Variants in ADGRD1 observed in about 807,000 individuals in gnomAD.
ADGRD1 encodes the protein adhesion G protein-coupled receptor D1.
ADGRD1 carries 77 observed loss-of-function variants against 113.4 expected under a neutral mutation model. The ratio of observed to expected loss-of-function variants is 0.68; its 90% confidence interval spans 0.57 to 0.82. The LOEUF (loss-of-function observed/expected upper bound fraction) is 0.82. ADGRD1 is among the 40% of genes least tolerant of loss of function. ADGRD1 has a pLI of 0.00. For missense variants in ADGRD1, 1,036 were observed against 1,139.1 expected (o/e 0.91, Z 1.30); for synonymous variants, 474 against 475.0 (o/e 1.00, Z 0.03).
At position 130,987,166 on chromosome 12, in the gene ADGRD1, C is replaced by G; in HGVS notation, c.562C>G (p.Leu188Val). ...EGLKVYVNGT[L>V]STSDPSGKVS... ...CCTGAAAGTCTACGTCAACGGGACC[C>G]TGAGCACCTCTGATCCGAGTGGAAA... The change falls in exon 6 of 25, where the codon CTG (leucine) becomes GTG (valine). Residue 188 changes from leucine (L) to valine (V), a missense_variant. Transcript: ENST00000261654. 1 of 1,614,124 alleles carries G rather than the reference C, an allele frequency of 6.2e-7. No individual in the cohort carries two copies. The highest frequency in any genetic ancestry group is 8.5e-7 in the Non-Finnish European group (1 of 1,179,938).
rs1356001698 is a variant in ADGRD1 at position 130,984,832 on chromosome 12, CCTT to C, written c.491-2259_491-2257del. On this transcript the variant is annotated intron_variant, in intron 5 of 24. Coordinates refer to ENST00000261654, the MANE Select transcript of ADGRD1 (RefSeq NM_198827.5). This position sits in a 1 kb window ranked among gnomAD's most constrained non-coding sequence, Gnocchi z 4.1. ...CCCTTCCTCCCTCCCTTCCTTCCTT[CCTT>C]CTTGCCTTCCATCCTCCCTTGCTCC... 2.7e-5 allele frequency among the ~76,000 whole-genome samples: 4 copies of C among 148,102 alleles called. No individual in the cohort carries two copies. Among genetic ancestry groups the C allele is most frequent in the African/African-American group, 9.8e-5 (4 of 40,642 alleles).
intron 13 of ADGRD1, among the ~76,000 whole-genome samples, chr12:131,020,591 A>G (rs1593055264): frequency 1.3e-5 from 2 of 152,368 alleles, no homozygotes; most frequent in South Asian, 4.1e-4. Flanking sequence ...CCACCTGGAC[A>G]TGGGCCAGGT....
At chr12:131,119,275 A>G (rs908470522) in intron 19 of ADGRD1, among the ~76,000 whole-genome samples, 1 of 152,250 alleles carries the variant, frequency 6.6e-6, no homozygotes, top group Non-Finnish European at 1.5e-5. Context: ...GGAGAAATCC[A>G]GCCTTTTCCA....
At chr12:131,094,027 C>CCTG (rs1329296814) in intron 15 of ADGRD1, among the ~76,000 whole-genome samples, 1 of 148,196 alleles carries the variant, frequency 6.7e-6, no homozygotes, top group African/African-American at 2.5e-5. Context: ...CACCCAGCGT[C>CCTG]AGCACCCAGC....
intron 16 of ADGRD1, among the ~76,000 whole-genome samples, chr12:131,105,153 C>T (rs944007608): frequency 5.9e-5 from 9 of 152,262 alleles, no homozygotes; most frequent in African/African-American, 2.2e-4. Context: ...CACCTCAGCC[C>T]TGTGCTCAGA....
intron 13 of ADGRD1, among the ~76,000 whole-genome samples, chr12:131,017,263 C>T (rs1878672890): frequency 1.3e-5 from 2 of 151,130 alleles, no homozygotes; most frequent in Admixed American, 1.3e-4. Flanking sequence ...TCAGTCCACA[C>T]ACACCCAGTC....
intron 15 of ADGRD1, among the ~76,000 whole-genome samples, chr12:131,095,912 T>C (rs1887246324): frequency 6.6e-6 from 1 of 152,170 alleles, no homozygotes; most frequent in Non-Finnish European, 1.5e-5. Context: ...TTGAATTGTT[T>C]GTAAAGATGA....
rs938956341 is a variant in ADGRD1, at chr12:131,001,321, A to G, written c.1026+879A>G. Among the ~76,000 whole-genome samples the G allele has an allele frequency of 1.5e-4, 23 of 152,370 alleles. No individual in the cohort carries two copies. In the East Asian group the frequency reaches 4.4e-3, roughly 29 times the overall value. On this transcript the variant is annotated intron_variant, in intron 9 of 24. Coordinates refer to ENST00000261654, the MANE Select transcript of ADGRD1 (RefSeq NM_198827.5). ...TTGTACTTATTTAAAAAGAAAACAAATAAATAGTTGTGGAGAAGTTAGAAA... is the reference window on the plus strand; with the variant it reads ...TTGTACTTATTTAAAAAGAAAACAAGTAAATAGTTGTGGAGAAGTTAGAAA...
intron 4 of ADGRD1, among the ~76,000 whole-genome samples, chr12:130,972,372 A>G (rs966377664): frequency 2.0e-5 from 3 of 152,202 alleles, no homozygotes; most frequent in Non-Finnish European, 4.4e-5. Flanking sequence ...TTTGGACATC[A>G]GATGGCCTTC....
intron 4 of ADGRD1, among the ~76,000 whole-genome samples, chr12:130,979,815 TCTCACACACACACACA>T (rs1287035128): frequency 7.0e-4 from 98 of 139,838 alleles, no homozygotes; most frequent in African/African-American, 1.4e-3. Context: ...GCAGCTAGTG[TCTCACACACACACACA>T]CACACACACA....
At chr12:130,996,509 G>A (rs1427641817) in intron 8 of ADGRD1, among the ~76,000 whole-genome samples, 1 of 120,918 alleles carries the variant, frequency 8.3e-6, no homozygotes, top group African/African-American at 3.1e-5. Flanking sequence ...CCTCCTGGAC[G>A]GGGCGGCTGG....
rs1366983242 is a variant in ADGRD1, at chr12:131,140,004, T to C, written c.*741T>C. On this transcript the variant is annotated 3_prime_UTR_variant, in exon 25 of 25. Transcript: ENST00000261654. ...CGCTCTGGGCCTTGAGGCTGCCTGA[T>C]GGTGCCTGTGCTTGGGGGAGCTTCT... is the stretch of plus-strand genomic sequence containing the variant. The C allele has an allele frequency of 6.6e-6, 1 of 152,516 alleles. No homozygotes were observed. 9.4% of individuals were successfully genotyped at this position (152,516 alleles called of 1,614,324 possible).
chr12:130,983,631 G>A (rs1054761781), intron 5 of ADGRD1, among the ~76,000 whole-genome samples: 1 of 152,174 alleles, frequency 6.6e-6, no homozygotes, highest in South Asian at 2.1e-4. Flanking sequence ...GCTCTCTTTT[G>A]TGCATTGAAG....
intron 14 of ADGRD1, among the ~76,000 whole-genome samples, chr12:131,078,890 T>C (rs1020124512): frequency 6.6e-6 from 1 of 152,168 alleles, no homozygotes; most frequent in African/African-American, 2.4e-5. Context: ...TCCACACTTG[T>C]AGATGATTGT....
Position 131,084,788 on chromosome 12 carries a change from T to A in ADGRD1, c.1671+125T>A. The A allele has an allele frequency of 9.8e-7, 1 of 1,020,912 alleles. No homozygotes were observed. Among genetic ancestry groups the A allele is most frequent in the South Asian group, 1.5e-5 (1 of 68,194 alleles). The allele number at this position is 1,020,912 out of a possible 1,614,324, so 63.2% of individuals were successfully genotyped here. A position where few individuals can be genotyped will look rare whatever the true frequency, so the allele number is the denominator to read the frequency against. On this transcript the variant is annotated intron_variant, in intron 15 of 24. Coordinates refer to ENST00000261654, the MANE Select transcript of ADGRD1 (RefSeq NM_198827.5). The surrounding 1 kb of genome is among the most constrained non-coding windows in gnomAD (Gnocchi z 4.5). Reference sequence around the variant, plus strand: ...TGGGCACATTACTCCATGGGGCCTGTGTTTACAGACGGAATCCATTCTCTT... The same window carrying A: ...TGGGCACATTACTCCATGGGGCCTGAGTTTACAGACGGAATCCATTCTCTT...
At chr12:131,015,238 T>C (rs1878414626) in intron 13 of ADGRD1, among the ~76,000 whole-genome samples, 1 of 152,264 alleles carries the variant, frequency 6.6e-6, no homozygotes, top group Non-Finnish European at 1.5e-5. Context: ...CCCACACACT[T>C]GTGCTGCTGG....
At chr12:131,051,280 T>A (rs1328137265) in intron 13 of ADGRD1, among the ~76,000 whole-genome samples, 1 of 152,228 alleles carries the variant, frequency 6.6e-6, no homozygotes, top group Non-Finnish European at 1.5e-5. Flanking sequence ...TTGATTGACA[T>A]CAACAATAGC....
At chr12:131,068,313 T>C (rs945419896) in intron 13 of ADGRD1, among the ~76,000 whole-genome samples, 3 of 152,196 alleles carry the variant, frequency 2.0e-5, no homozygotes, top group African/African-American at 7.2e-5. Context: ...TGGTCAACTC[T>C]GGGCATTTGG....
At chr12:131,036,476 C>CACTAGGT (rs1566051682) in intron 13 of ADGRD1, among the ~76,000 whole-genome samples, 1 of 150,002 alleles carries the variant, frequency 6.7e-6, no homozygotes, top group Non-Finnish European at 1.5e-5. Flanking sequence ...CTGCATGGGG[C>CACTAGGT]CTCACTCACT....
Sources: gnomAD v4.1 joint callset for allele counts (sites outside exome capture counted in the v4.1 genomes callset) on GRCh38, gnomAD v4.1.1 for gene constraint, Gnocchi (gnomAD v3.1) non-coding constraint, MANE v1.5 for transcripts, NCBI Gene and HGNC (gene_info 2026-07-23, HGNC 2026-07-21) for gene names.